Variants in EPHA6 observed in about 807,000 individuals in gnomAD.
The protein encoded by EPHA6 is ephrin type-A receptor 6.
In EPHA6, 50 loss-of-function variants were observed where a neutral mutation model predicts 112.0. The observed-to-expected ratio is 0.45, with a 90% CI of 0.36 to 0.56. The LOEUF (loss-of-function observed/expected upper bound fraction) is 0.56. Ranked by LOEUF, EPHA6 falls within the 20% of genes least tolerant of loss-of-function variation. EPHA6 has a pLI of 0.00. For missense variants in EPHA6, 1,280 were observed against 1,417.4 expected, an observed-to-expected ratio of 0.90 and a Z score of 1.56; for synonymous variants, 529 against 490.7, an observed-to-expected ratio of 1.08 and a Z score of -1.03.
At chr3:97,479,773 T>C (rs188895721) in intron 9 of EPHA6, among the ~76,000 whole-genome samples, 46 of 152,308 alleles carry the variant, frequency 3.0e-4, no homozygotes, top group African/African-American at 1.1e-3. Context: ...CAATTTACAA[T>C]TCATTAATAC....
chr3:97,683,658 G>T (rs1053096169), intron 14 of EPHA6, among the ~76,000 whole-genome samples: 1 of 152,146 alleles, frequency 6.6e-6, no homozygotes, highest in Non-Finnish European at 1.5e-5. Context: ...AGCATGGCAA[G>T]TCTTGGGGCA....
chr3:97,107,895 A>C (rs528998205), intron 3 of EPHA6, among the ~76,000 whole-genome samples: 1 of 152,276 alleles, frequency 6.6e-6, no homozygotes, highest in African/African-American at 2.4e-5. Context: ...ATCTCATTGT[A>C]GTTTTAAAGT....
rs114135036 is a variant in EPHA6 at position 97,041,407 on chromosome 3, C to T, written c.1114+53414C>T. ...TGGACATTATTCCTGGAAGCACTGA[C>T]TGCTGTCTTGTAATGCTGTAAGGTG... On this transcript the variant is annotated intron_variant, in intron 3 of 17. Coordinates refer to ENST00000389672, the MANE Select transcript of EPHA6 (RefSeq NM_001080448.3). Among the ~76,000 whole-genome samples, 1,208 of 152,172 alleles carry T rather than the reference C, an allele frequency of 7.9e-3. 9 individuals are homozygous for T. Among genetic ancestry groups the T allele is most frequent in the Admixed American group, 0.011 (172 of 15,256 alleles).
chr3:97,598,438 C>A (rs2093613534), intron 12 of EPHA6, among the ~76,000 whole-genome samples: 1 of 126,400 alleles, frequency 7.9e-6, no homozygotes. Flanking sequence ...ACCACAGTCC[C>A]CAGAGTGTGA....
At chr3:97,388,676 A>T (rs2086217771) in intron 5 of EPHA6, among the ~76,000 whole-genome samples, 1 of 152,000 alleles carries the variant, frequency 6.6e-6, no homozygotes, top group Non-Finnish European at 1.5e-5. Context: ...TAAACTGGGG[A>T]GGGGATTTAT....
At chr3:97,150,430 C>T (rs2076144692) in intron 3 of EPHA6, among the ~76,000 whole-genome samples, 1 of 152,082 alleles carries the variant, frequency 6.6e-6, no homozygotes, top group African/African-American at 2.4e-5. Flanking sequence ...AAATCAATGT[C>T]TTACTCTGCA....
chr3:97,294,107 GGCCCCAAGA>G (rs1334943644), intron 5 of EPHA6, among the ~76,000 whole-genome samples: 1 of 152,216 alleles, frequency 6.6e-6, no homozygotes, highest in Non-Finnish European at 1.5e-5. Flanking sequence ...AGGCTTTCTG[GGCCCCAAGA>G]GCACAGGGAT....
At chr3:97,072,149 C>A (rs77146738) in intron 3 of EPHA6, among the ~76,000 whole-genome samples, 3 of 152,120 alleles carry the variant, frequency 2.0e-5, no homozygotes, top group Non-Finnish European at 2.9e-5. Context: ...AGCCCAAATG[C>A]CCATCAATAG....
At chr3:97,380,627 A>T (rs2085670906) in intron 5 of EPHA6, among the ~76,000 whole-genome samples, 1 of 152,206 alleles carries the variant, frequency 6.6e-6, no homozygotes. Context: ...GGAAAAAGGT[A>T]CTTTCTGACA....
intron 10 of EPHA6, among the ~76,000 whole-genome samples, chr3:97,519,826 T>C (rs1235107206): frequency 6.6e-6 from 1 of 152,144 alleles, no homozygotes; most frequent in Non-Finnish European, 1.5e-5. Flanking sequence ...TATATGTTGA[T>C]TTTGTATCCT....
At chr3:96,940,791 C>T (rs929443131) in intron 2 of EPHA6, among the ~76,000 whole-genome samples, 10 of 152,206 alleles carry the variant, frequency 6.6e-5, no homozygotes, top group Non-Finnish European at 1.2e-4. Flanking sequence ...TAGGGCAGGC[C>T]TGGTGGTGAC....
intron 6 of EPHA6, among the ~76,000 whole-genome samples, chr3:97,440,577 C>G (rs1220416477): frequency 6.6e-6 from 1 of 150,902 alleles, no homozygotes; most frequent in Non-Finnish European, 1.5e-5. Flanking sequence ...CATCTCCAAT[C>G]TATTTATTTT....
chr3:97,198,737 C>T (rs1270580009), intron 3 of EPHA6, among the ~76,000 whole-genome samples: 5 of 151,996 alleles, frequency 3.3e-5, no homozygotes, highest in Non-Finnish European at 7.4e-5. Context: ...CTGGAAAAAA[C>T]AAAGCCATTT....
chr3:96,954,502 A>G (rs965957842), intron 2 of EPHA6, among the ~76,000 whole-genome samples: 1 of 151,784 alleles, frequency 6.6e-6, no homozygotes, highest in Non-Finnish European at 1.5e-5. Context: ...TCTTCTTTTC[A>G]TGCTCTTACC....
intron 7 of EPHA6, among the ~76,000 whole-genome samples, chr3:97,456,102 T>C (rs1185912272): frequency 1.3e-5 from 2 of 152,098 alleles, no homozygotes; most frequent in Non-Finnish European, 2.9e-5. Flanking sequence ...GTAACAACAG[T>C]AGATCTATTT....
chr3:96,845,633 A>G (rs140899639), intron 1 of EPHA6, among the ~76,000 whole-genome samples: 1 of 152,064 alleles, frequency 6.6e-6, no homozygotes, highest in African/African-American at 2.4e-5. Flanking sequence ...TTGCTAGGAA[A>G]ACTAATGTGT....
intron 1 of EPHA6, among the ~76,000 whole-genome samples, chr3:96,856,588 T>C (rs990030675): frequency 6.6e-6 from 1 of 152,190 alleles, no homozygotes; most frequent in Non-Finnish European, 1.5e-5. Flanking sequence ...ACTAGTGTTA[T>C]AGTTGGCAAT....
intron 2 of EPHA6, among the ~76,000 whole-genome samples, chr3:96,977,143 C>T (rs1361743652): frequency 5.3e-5 from 8 of 152,054 alleles, no homozygotes; most frequent in Admixed American, 1.3e-4. Context: ...TAAATATGAA[C>T]CTGGATTGTC....
At chr3:97,184,098 A>G (rs994953342) in intron 3 of EPHA6, among the ~76,000 whole-genome samples, 1 of 152,144 alleles carries the variant, frequency 6.6e-6, no homozygotes, top group African/African-American at 2.4e-5. Context: ...TACCTTTGCC[A>G]TGTATTTTTA....
Sources: allele counts gnomAD v4.1 joint callset (sites outside exome capture counted in the v4.1 genomes callset), GRCh38; gene constraint gnomAD v4.1.1; transcripts MANE v1.5; gene names NCBI Gene and HGNC (gene_info 2026-07-23, HGNC 2026-07-21).